SCYL1: variants seen among roughly 807,000 people sequenced by gnomAD.
SCYL1 encodes the protein SCY1 like pseudokinase 1.
In SCYL1, 85 loss-of-function variants were observed where a neutral mutation model predicts 94.8. The observed-to-expected ratio is 0.90, with a 90% CI of 0.75 to 1.07. The LOEUF is 1.07. Among genes scored for constraint, SCYL1 ranks in the 50% least tolerant of loss-of-function variants. The probability of loss-of-function intolerance (pLI) is 0.00; values close to 1 mark genes in which losing one functional copy is unlikely to be tolerated. For missense variants in SCYL1, 968 were observed against 1,083.3 expected, an observed-to-expected ratio of 0.89 and a Z score of 1.49; for synonymous variants, 459 against 435.5, an observed-to-expected ratio of 1.05 and a Z score of -0.67.
At position 65,526,366 on chromosome 11, in the gene SCYL1, C is replaced by T; in HGVS notation, c.602+16C>T. 2 of 1,570,688 alleles carry T rather than the reference C, an allele frequency of 1.3e-6. No individual in the cohort carries two copies. Among genetic ancestry groups the T allele is most frequent in the East Asian group, 2.3e-5 (1 of 44,362 alleles). On this transcript the variant is annotated intron_variant, in intron 4 of 17. Coordinates refer to ENST00000270176, the MANE Select transcript of SCYL1 (RefSeq NM_020680.4). The surrounding 1 kb of genome is among the most constrained non-coding windows in gnomAD (Gnocchi z 4.1). ...GAGAGAAGTGGTGGGTGACTGGGGGCAGCGCGCCCCAACCTGCCCTGTCCT... is the reference window on the plus strand; with the variant it reads ...GAGAGAAGTGGTGGGTGACTGGGGGTAGCGCGCCCCAACCTGCCCTGTCCT...
At chr11:65,528,395 T>C (rs777011693) in intron 6 of SCYL1, among the ~76,000 whole-genome samples, 3 of 151,596 alleles carry the variant, frequency 2.0e-5, no homozygotes, top group Non-Finnish European at 4.4e-5. Flanking sequence ...TGAGCCAAGA[T>C]TGTGCCATTG....
In SCYL1 at chr11:65,533,157, C is replaced by T. The variant is rs1855472155; in HGVS notation, c.1230+352C>T. 4.2e-5 allele frequency: 11 copies of T among 263,614 alleles called. No homozygotes were observed. In the South Asian group the frequency reaches 4.4e-4, roughly 11 times the overall value. The allele number at this position is 263,614 out of a possible 1,614,324, so 16.3% of individuals were successfully genotyped here. A position where few individuals can be genotyped will look rare whatever the true frequency, so the allele number is the denominator to read the frequency against. On this transcript the variant is annotated intron_variant, in intron 9 of 17. Transcript: ENST00000270176. ...GTATTGTTGGCTGGTCACGGTGGCT[C>T]ACGCCCATAATCCCTGCACTTTGGG...
At chr11:65,535,822 T>G in intron 10 of SCYL1, 131 bp from the exon 11 acceptor site, 1 of 896,968 alleles carries the variant, frequency 1.1e-6, no homozygotes, top group Non-Finnish European at 1.7e-6. Context: ...TCTCCCCATT[T>G]AAGTGATTCA....
chr11:65,536,505 G>A (rs532605796), intron 12 of SCYL1, 81 bp from the exon 13 acceptor site: 1 of 1,516,748 alleles, frequency 6.6e-7, no homozygotes, highest in African/African-American at 1.4e-5. Context: ...GTGGCTGCAG[G>A]GCACTGTCAG....
Position 65,525,140 on chromosome 11 carries a change from C to T in SCYL1, c.-14C>T, listed in dbSNP as rs765961259. The T allele has an allele frequency of 2.3e-5, 30 of 1,314,878 alleles. No individual in the cohort carries two copies. The highest frequency in any genetic ancestry group is 4.1e-5 in the Admixed American group (1 of 24,584). The allele number at this position is 1,314,878 out of a possible 1,614,324, so 81.5% of individuals were successfully genotyped here. On this transcript the variant is annotated 5_prime_UTR_variant, in exon 1 of 18. Transcript: ENST00000270176. ...GGAGCTAAGGCGCCCGAACCCGCGG[C>T]GGCGGTGGGGACGATGTGGTTCTTT...
chr11:65,533,516 C>G (rs1028159254), intron 9 of SCYL1, among the ~76,000 whole-genome samples: 4 of 152,358 alleles, frequency 2.6e-5, no homozygotes, highest in Non-Finnish European at 4.4e-5. Flanking sequence ...CAGTGGCTTA[C>G]GCCTGTGATC....
Position 65,530,724 on chromosome 11 carries a change from C to T in SCYL1, c.945C>T (p.Pro315=). The T allele has an allele frequency of 6.2e-7, 1 of 1,614,066 alleles. No individual in the cohort carries two copies. Among genetic ancestry groups the T allele is most frequent in the South Asian group, 1.1e-5 (1 of 91,080 alleles). ...ATTTCTGTCGGCACAAGGTGCTGCC[C>T]CAGCTGCTGACCGCCTTCGAGTTCG... ...PEDFCRHKVL[P]QLLTAFEFGN... is the part of the protein sequence containing the mutation. Residue 315 remains proline (P), a synonymous_variant, in exon 7 of 18, where the codon CCC becomes CCT. Coordinates refer to ENST00000270176, the MANE Select transcript of SCYL1 (RefSeq NM_020680.4).
chr11:65,533,255 C>A, intron 9 of SCYL1: 1 of 175,448 alleles, frequency 5.7e-6, no homozygotes. Flanking sequence ...AGCCCTGTCT[C>A]TACTAAAAAG....
chr11:65,537,832 C>A lies in SCYL1; in HGVS notation c.1983C>A (p.Ala661=), dbSNP rs1392480154. The part of the protein sequence containing the change: ...SLEQEAESVL[A]QQDDWSTGGQ... ...AGCAGGAGGCCGAGTCTGTGCTGGC[C>A]CAGCAGGACGACTGGAGCACCGGGG... The change falls in exon 15 of 18, where the codon GCC becomes GCA. Residue 661 remains alanine, a synonymous_variant. Transcript: ENST00000270176. 2 of 1,570,664 alleles carry A rather than the reference C, an allele frequency of 1.3e-6. No individual in the cohort carries two copies. Among genetic ancestry groups the A allele is most frequent in the East Asian group, 2.3e-5 (1 of 42,944 alleles).
rs755104465 is a variant in SCYL1 at position 65,538,615 on chromosome 11, T to A, written c.*49T>A. The A allele has an allele frequency of 3.8e-6, 6 of 1,584,608 alleles. No homozygotes were observed. Among genetic ancestry groups the A allele is most frequent in the Non-Finnish European group, 5.1e-6 (6 of 1,165,920 alleles). On this transcript the variant is annotated 3_prime_UTR_variant, in exon 18 of 18. Transcript: ENST00000270176. ...CTGCGGAGAGCCCGCCCCACAGATGTATTTATTGTACAAACCATGTGAGCC... is the reference window on the plus strand; with the variant it reads ...CTGCGGAGAGCCCGCCCCACAGATGAATTTATTGTACAAACCATGTGAGCC...
intron 6 of SCYL1, among the ~76,000 whole-genome samples, chr11:65,527,928 T>C (rs1457714437): frequency 1.3e-5 from 2 of 152,106 alleles, no homozygotes; most frequent in Non-Finnish European, 2.9e-5. Flanking sequence ...CCAGCAGGCA[T>C]TTAGGGCCAG....
intron 10 of SCYL1, chr11:65,535,692 G>T: frequency 1.7e-6 from 1 of 578,976 alleles, no homozygotes; most frequent in Non-Finnish European, 3.0e-6. Context: ...AGCTGGGCAG[G>T]GAGGAAGGGA....
intron 9 of SCYL1, 46 bp from the exon 10 acceptor site, chr11:65,535,181 C>A (rs1354009083): frequency 6.2e-7 from 1 of 1,602,254 alleles, no homozygotes; most frequent in African/African-American, 1.3e-5. Context: ...GCACAAGGCC[C>A]TTTGCCCGCC....
rs1338171174 is a variant in SCYL1 at position 65,536,122 on chromosome 11, A to C, written c.1556A>C (p.Glu519Ala). The C allele has an allele frequency of 6.2e-7, 1 of 1,613,702 alleles. No individual in the cohort carries two copies. Among genetic ancestry groups the C allele is most frequent in the African/African-American group, 1.3e-5 (1 of 74,928 alleles). The part of the protein sequence containing the change: ...PVLCGLTVDP[E>A]KSVRDQAFKA... Reference sequence around the variant, plus strand: ...CTCTGCGGTCTCACTGTAGATCCTGAGAAATCCGTGCGAGACCAGGTGAGG... The same window carrying C: ...CTCTGCGGTCTCACTGTAGATCCTGCGAAATCCGTGCGAGACCAGGTGAGG... The change falls in exon 11 of 18, where the codon GAG (glutamate) becomes GCG (alanine). Residue 519 changes from glutamate to alanine, a missense_variant. Transcript: ENST00000270176.
At position 65,526,287 on chromosome 11, in the gene SCYL1, A is replaced by G; in HGVS notation, c.539A>G (p.Glu180Gly). The change falls in exon 4 of 18, where the codon GAG becomes GGG. Residue 180 changes from glutamate to glycine, a missense_variant. Around this residue, in one of 2 missense-constraint regions of SCYL1, gnomAD observed 494 missense variants for 619.7 expected, o/e 0.80. Coordinates refer to ENST00000270176, the MANE Select transcript of SCYL1 (RefSeq NM_020680.4). The surrounding 1 kb of genome is among the most constrained non-coding windows in gnomAD (Gnocchi z 4.1). ...GGACCTCCCCGCAAGGGGATCCCCGAGCTTGAGCAGTATGACCCCCCGGAG... is the reference window on the plus strand; with the variant it reads ...GGACCTCCCCGCAAGGGGATCCCCGGGCTTGAGCAGTATGACCCCCCGGAG... ...GGGPPRKGIP[E>G]LEQYDPPELA... The G allele has an allele frequency of 6.2e-7, 1 of 1,612,316 alleles. No homozygotes were observed. The highest frequency in any genetic ancestry group is 8.5e-7 in the Non-Finnish European group (1 of 1,179,384).
chr11:65,533,182 G>A (rs904874247), intron 9 of SCYL1: 14 of 215,436 alleles, frequency 6.5e-5, no homozygotes, highest in African/African-American at 2.5e-4. Context: ...TGCACTTTGG[G>A]AGGCTGAGGC....
At chr11:65,531,932 CT>C (rs1318817587) in intron 8 of SCYL1, among the ~76,000 whole-genome samples, 1 of 152,252 alleles carries the variant, frequency 6.6e-6, no homozygotes, top group Non-Finnish European at 1.5e-5. Flanking sequence ...CTCAGTCACT[CT>C]GGCCCTCTAG....
In SCYL1 at chr11:65,526,175, T is replaced by C. The variant is rs765725743; in HGVS notation, c.427T>C (p.Cys143Arg). ...CTGCAGCCTCATCCACAACAATGTC[T>C]GCATGGCCGCCGTGTTCGTGGACCG... ...NDCSLIHNNV[C>R]MAAVFVDRAG... The change falls in exon 4 of 18, where the codon TGC (cysteine) becomes CGC (arginine). Residue 143 changes from cysteine to arginine, a missense_variant. By Grantham distance (180) the Cys-to-Arg change is radical. Transcript: ENST00000270176. This position sits in a 1 kb window ranked among gnomAD's most constrained non-coding sequence, Gnocchi z 4.1. The C allele has an allele frequency of 7.4e-6, 12 of 1,613,226 alleles. No homozygotes were observed. The East Asian group carries it at 1.8e-4, about 24-fold the overall frequency.
intron 14 of SCYL1, 79 bp downstream of exon 14, chr11:65,537,207 C>T (rs1168761951): frequency 1.0e-5 from 16 of 1,533,542 alleles, no homozygotes; most frequent in Non-Finnish European, 1.4e-5. Flanking sequence ...TTCTGTGGGG[C>T]CTGGCTGGAG....
Sources: allele counts gnomAD v4.1 joint callset (sites outside exome capture counted in the v4.1 genomes callset), GRCh38; gene constraint gnomAD v4.1.1; regional missense constraint gnomAD v4.1.1; non-coding constraint Gnocchi (gnomAD v3.1); transcripts MANE v1.5; gene names NCBI Gene and HGNC (gene_info 2026-07-23, HGNC 2026-07-21).